The following STEAP3 variants were observed in gnomAD, a reference collection of about 807,000 sequenced individuals.
The protein encoded by STEAP3 is metalloreductase STEAP3.
In STEAP3, 35 loss-of-function variants were observed where a neutral mutation model predicts 34.9. The ratio of observed to expected loss-of-function variants is 1.00; its 90% CI spans 0.76 to 1.33. The LOEUF is 1.33. Among genes scored for constraint, STEAP3 ranks in the 40% most tolerant of loss-of-function variants. STEAP3 has a pLI of 0.00. For missense variants in STEAP3, 652 were observed against 667.6 expected (o/e 0.98, Z 0.26); for synonymous variants, 281 against 301.6 (o/e 0.93, Z 0.71).
chr2:119,262,976 A>G, intron 5 of STEAP3, 81 bp from the exon 6 acceptor site: 2 of 1,558,644 alleles, frequency 1.3e-6, no homozygotes, highest in Non-Finnish European at 8.6e-7. Flanking sequence ...CCCCTCCGCC[A>G]GGCCAGCAGA....
At chr2:119,226,278 T>C (rs1679037459) in intron 1 of STEAP3, among the ~76,000 whole-genome samples, 1 of 152,210 alleles carries the variant, frequency 6.6e-6, no homozygotes, top group Non-Finnish European at 1.5e-5. Context: ...GTCTTCCAGC[T>C]GAGGCTGGAT....
At chr2:119,260,320 C>CTTTTTTTTTTTTTCT in intron 5 of STEAP3, among the ~76,000 whole-genome samples, 1 of 138,032 alleles carries the variant, frequency 7.2e-6, no homozygotes, top group South Asian at 2.4e-4. Flanking sequence ...TTTTTTTTTT[C>CTTTTTTTTTTTTTCT]TTTTTTTTTG....
intron 5 of STEAP3, among the ~76,000 whole-genome samples, chr2:119,261,089 A>G (rs1677927898): frequency 6.6e-6 from 1 of 152,132 alleles, no homozygotes; most frequent in Non-Finnish European, 1.5e-5. Context: ...CTCCCACACC[A>G]TGTTCTTTCA....
intron 2 of STEAP3, chr2:119,244,407 T>A (rs1037708829): frequency 2.6e-5 from 4 of 151,496 alleles, no homozygotes; most frequent in Non-Finnish European, 2.9e-5. Context: ...TGGCTAATTT[T>A]TTTTTTATTT....
intron 4 of STEAP3, among the ~76,000 whole-genome samples, chr2:119,252,288 C>T (rs1677648695): frequency 6.6e-6 from 1 of 152,244 alleles, no homozygotes; most frequent in Non-Finnish European, 1.5e-5. Flanking sequence ...AAAGGGACTG[C>T]CCAGGGTCTC....
chr2:119,263,791 G>T lies in STEAP3; in HGVS notation c.*453G>T. ...CTTCCCCAAGGCTCTTGCAGAGCTA[G>T]GGCTCTGAAGGGGAGGGAAGGCAAC... On this transcript the variant is annotated 3_prime_UTR_variant, in exon 6 of 6. Coordinates refer to ENST00000393110, the MANE Select transcript of STEAP3 (RefSeq NM_182915.3). 1 of 289,950 alleles carries T rather than the reference G, an allele frequency of 3.4e-6. No individual in the cohort carries two copies. Among genetic ancestry groups the T allele is most frequent in the Non-Finnish European group, 6.7e-6 (1 of 150,328 alleles). 18.0% of individuals were successfully genotyped at this position (289,950 alleles called of 1,614,324 possible). A position where few individuals can be genotyped will look rare whatever the true frequency, so the allele number is the denominator to read the frequency against.
intron 2 of STEAP3, among the ~76,000 whole-genome samples, chr2:119,236,216 G>T (rs1677090561): frequency 6.6e-6 from 1 of 152,176 alleles, no homozygotes; most frequent in Non-Finnish European, 1.5e-5. Context: ...TCCTAGAGAG[G>T]AATAGAATTA....
At chr2:119,257,260 C>T (rs921766739) in intron 5 of STEAP3, among the ~76,000 whole-genome samples, 1 of 152,106 alleles carries the variant, frequency 6.6e-6, no homozygotes, top group African/African-American at 2.4e-5. Flanking sequence ...TGTAGCATAC[C>T]TCGTTGTCTA....
chr2:119,245,911 A>T lies in STEAP3; in HGVS notation c.445A>T (p.Thr149Ser), dbSNP rs1460969856. The T allele has an allele frequency of 6.2e-7, 1 of 1,613,740 alleles. No individual in the cohort carries two copies. The highest frequency in any genetic ancestry group is 8.5e-7 in the Non-Finnish European group (1 of 1,180,028). The change falls in exon 3 of 6, where the codon ACT (threonine) becomes TCT (serine). Residue 149 changes from threonine (T) to serine (S), a missense_variant. By Grantham distance (58) the Thr-to-Ser change is moderately conservative. Transcript: ENST00000393110. ...NAEYLASLFP[T>S]CTVVKAFNVI... is the part of the protein sequence containing the mutation. ...TGAGTACCTGGCCTCCCTCTTCCCCACTTGCACAGTGGTCAAGGCCTTCAA... is the reference window on the plus strand; with the variant it reads ...TGAGTACCTGGCCTCCCTCTTCCCCTCTTGCACAGTGGTCAAGGCCTTCAA...
intron 2 of STEAP3, among the ~76,000 whole-genome samples, chr2:119,234,609 G>A (rs942972062): frequency 2.0e-5 from 3 of 152,202 alleles, no homozygotes; most frequent in African/African-American, 7.2e-5. Context: ...TGGCCCCGGC[G>A]CCTTGCTTCA....
At position 119,257,791 on chromosome 2, in the gene STEAP3, T is replaced by C. The variant is rs1041851069; in HGVS notation, c.1215+2943T>C. ...CATGTCCACAGCAGACACCAGGCTATGGGGACAGCCATGGTTCTTGAGGGG... is the reference window on the plus strand; with the variant it reads ...CATGTCCACAGCAGACACCAGGCTACGGGGACAGCCATGGTTCTTGAGGGG... On this transcript the variant is annotated intron_variant, in intron 5 of 5. Coordinates refer to ENST00000393110, the MANE Select transcript of STEAP3 (RefSeq NM_182915.3). 4 of 1,261,560 alleles carry C rather than the reference T, an allele frequency of 3.2e-6. No homozygotes were observed. In the African/African-American group the frequency reaches 6.2e-5, roughly 20 times the overall value. The allele number at this position is 1,261,560 out of a possible 1,614,324, so 78.1% of individuals were successfully genotyped here.
At chr2:119,262,894 T>A (rs1385330790) in intron 5 of STEAP3, among the ~76,000 whole-genome samples, 163 bp from the exon 6 acceptor site, 4 of 152,194 alleles carry the variant, frequency 2.6e-5, no homozygotes, top group Non-Finnish European at 5.9e-5. Context: ...AGAGTTATCA[T>A]AAGATCACAC....
chr2:119,238,182 C>T (rs1159429683), intron 2 of STEAP3, among the ~76,000 whole-genome samples: 1 of 152,176 alleles, frequency 6.6e-6, no homozygotes, highest in Non-Finnish European at 1.5e-5. Flanking sequence ...AGTGGAGTTG[C>T]TGGGTCATAT....
At chr2:119,250,652 C>A (rs1466038827) in intron 4 of STEAP3, among the ~76,000 whole-genome samples, 1 of 152,062 alleles carries the variant, frequency 6.6e-6, no homozygotes, top group East Asian at 1.9e-4. Context: ...TGCCCACTAC[C>A]CCCCAGGGTA....
intron 2 of STEAP3, among the ~76,000 whole-genome samples, chr2:119,232,251 C>T (rs1386717388): frequency 6.6e-6 from 1 of 152,180 alleles, no homozygotes; most frequent in Non-Finnish European, 1.5e-5. Context: ...TGGATGGGCC[C>T]AGGGCACAGT....
At chr2:119,244,550 A>T (rs1677349821) in intron 2 of STEAP3, 1 of 152,022 alleles carries the variant, frequency 6.6e-6, no homozygotes, top group Admixed American at 6.6e-5. Flanking sequence ...GCATGGTTTT[A>T]AATTTGTGCT....
chr2:119,251,003 G>A (rs2104832296), intron 4 of STEAP3, among the ~76,000 whole-genome samples: 1 of 152,292 alleles, frequency 6.6e-6, no homozygotes, highest in South Asian at 2.1e-4. Context: ...GGTGGTCGGA[G>A]GGAGGCAGGG....
intron 2 of STEAP3, among the ~76,000 whole-genome samples, chr2:119,234,768 G>A (rs982769709): frequency 3.9e-5 from 6 of 152,186 alleles, no homozygotes; most frequent in Non-Finnish European, 8.8e-5. Context: ...TATGTAAATG[G>A]CACCTCCTAA....
At chr2:119,259,985 A>C (rs1272514784) in intron 5 of STEAP3, among the ~76,000 whole-genome samples, 1 of 152,202 alleles carries the variant, frequency 6.6e-6, no homozygotes, top group African/African-American at 2.4e-5. Context: ...CTTTAGTCCT[A>C]GCTGCCCATC....
Sources: gnomAD v4.1 joint callset for allele counts (sites outside exome capture counted in the v4.1 genomes callset) on GRCh38, gnomAD v4.1.1 for gene constraint, MANE v1.5 for transcripts, NCBI Gene and HGNC (gene_info 2026-07-23, HGNC 2026-07-21) for gene names.